KIAA1549L: variants seen among roughly 807,000 people sequenced by gnomAD.
KIAA1549L encodes UPF0606 protein KIAA1549L.
Under a neutral mutation model 160.7 loss-of-function variants are expected in KIAA1549L, and 88 were observed. That is an observed-to-expected ratio of 0.55 (90% CI 0.46 to 0.65). The LOEUF is 0.65. KIAA1549L is among the 30% of genes least tolerant of loss of function. KIAA1549L has a pLI of 0.00. For missense variants in KIAA1549L, 2,258 were observed against 2,437.5 expected (o/e 0.93, Z 1.55); for synonymous variants, 950 against 976.7 (o/e 0.97, Z 0.51).
intron 1 of KIAA1549L, among the ~76,000 whole-genome samples, chr11:33,417,120 T>G (rs1850904595): frequency 6.6e-6 from 1 of 152,238 alleles, no homozygotes; most frequent in Admixed American, 6.5e-5. Flanking sequence ...ACTGAGAAAT[T>G]AAATTTTAAA....
intron 1 of KIAA1549L, among the ~76,000 whole-genome samples, chr11:33,520,756 C>G (rs1414364175): frequency 4.9e-5 from 7 of 142,450 alleles, no homozygotes; most frequent in African/African-American, 1.6e-4. Context: ...CTCTCTCCCC[C>G]TCTCTCGTAA....
At chr11:33,569,751 A>G (rs1855180592) in intron 9 of KIAA1549L, among the ~76,000 whole-genome samples, 1 of 152,198 alleles carries the variant, frequency 6.6e-6, no homozygotes, top group South Asian at 2.1e-4. Context: ...ACCACGAGGT[A>G]AAGCGGTGGT....
intron 1 of KIAA1549L, among the ~76,000 whole-genome samples, chr11:33,447,646 C>CACAA (rs1554978522): frequency 6.6e-6 from 1 of 151,282 alleles, no homozygotes; most frequent in South Asian, 2.1e-4. Flanking sequence ...CACACACACA[C>CACAA]AAAATTTTAG....
At chr11:33,633,754 G>A (rs929262556) in intron 16 of KIAA1549L, among the ~76,000 whole-genome samples, 2 of 152,216 alleles carry the variant, frequency 1.3e-5, no homozygotes, top group African/African-American at 4.8e-5. Flanking sequence ...GAAGTTCACA[G>A]GTAGTACAGT....
At chr11:33,484,743 C>G (rs1055815390) in intron 1 of KIAA1549L, among the ~76,000 whole-genome samples, 1 of 152,228 alleles carries the variant, frequency 6.6e-6, no homozygotes, top group Non-Finnish European at 1.5e-5. Context: ...TTCTCCACTG[C>G]ATCAGTGTTG....
chr11:33,472,768 G>A (rs1435809382), intron 1 of KIAA1549L, among the ~76,000 whole-genome samples: 1 of 152,162 alleles, frequency 6.6e-6, no homozygotes, highest in Non-Finnish European at 1.5e-5. Context: ...ACCACAGTCC[G>A]TATTATATCC....
rs1852723550 is a variant in KIAA1549L at position 33,673,739 on chromosome 11, C to T, written c.*5585C>T. ...GAATTAATTTATACAGTCACATGTT[C>T]CATGACACCATGTTTTGCCAAGGAA... On this transcript the variant is annotated 3_prime_UTR_variant, in exon 21 of 21. Coordinates refer to ENST00000658780, the MANE Select transcript of KIAA1549L (RefSeq NM_012194.3). 6.6e-6 allele frequency: 1 copy of T among 152,172 alleles called. No homozygotes were observed. Among genetic ancestry groups the T allele is most frequent in the African/African-American group, 2.4e-5 (1 of 41,434 alleles). 9.4% of individuals were successfully genotyped at this position (152,172 alleles called of 1,614,324 possible). A position where few individuals can be genotyped will look rare whatever the true frequency, so the allele number is the denominator to read the frequency against.
chr11:33,504,787 G>A (rs1225981271), intron 1 of KIAA1549L, among the ~76,000 whole-genome samples: 1 of 152,060 alleles, frequency 6.6e-6, no homozygotes, highest in Non-Finnish European at 1.5e-5. Flanking sequence ...CTTTCTTTTA[G>A]ACAGGGTCTT....
intron 1 of KIAA1549L, among the ~76,000 whole-genome samples, chr11:33,536,267 G>A (rs1198870959): frequency 1.3e-5 from 2 of 152,244 alleles, no homozygotes; most frequent in Non-Finnish European, 2.9e-5. Context: ...ACAGGGCACA[G>A]TGCGGATGGC....
intron 11 of KIAA1549L, 135 bp from the exon 12 acceptor site, chr11:33,591,102 A>G (rs1850039055): frequency 1.5e-6 from 1 of 674,810 alleles, no homozygotes; most frequent in Non-Finnish European, 2.6e-6. Context: ...AATGATGGGG[A>G]TTTGAGTTAA....
chr11:33,659,397 C>G (rs1852185383), intron 19 of KIAA1549L, among the ~76,000 whole-genome samples: 1 of 152,154 alleles, frequency 6.6e-6, no homozygotes, highest in Non-Finnish European at 1.5e-5. Flanking sequence ...AAAAATTTCT[C>G]CAGGTTGCTA....
At chr11:33,648,475 A>G (rs1048634007) in intron 17 of KIAA1549L, among the ~76,000 whole-genome samples, 7 of 150,546 alleles carry the variant, frequency 4.6e-5, no homozygotes, top group Admixed American at 1.3e-4. Flanking sequence ...GTGGAAATCC[A>G]TAGAAAAGGT....
chr11:33,382,228 A>G (rs1475655412), intron 1 of KIAA1549L, among the ~76,000 whole-genome samples: 1 of 152,114 alleles, frequency 6.6e-6, no homozygotes, highest in Non-Finnish European at 1.5e-5. Flanking sequence ...GAAGAAAACA[A>G]TGAGGCAGTA....
chr11:33,612,343 T>C (rs1469192089), intron 15 of KIAA1549L, among the ~76,000 whole-genome samples: 1 of 152,254 alleles, frequency 6.6e-6, no homozygotes, highest in Non-Finnish European at 1.5e-5. Context: ...CTGCTTTCAG[T>C]GACCAAGCCA....
intron 1 of KIAA1549L, among the ~76,000 whole-genome samples, chr11:33,381,790 T>C (rs1850078690): frequency 6.6e-6 from 1 of 151,882 alleles, no homozygotes; most frequent in Admixed American, 6.6e-5. Flanking sequence ...GTAGCAGAAG[T>C]GGTTAGATTT....
At position 33,648,810 on chromosome 11, in the gene KIAA1549L, AG is replaced by A. The variant is rs534078178; in HGVS notation, c.5760+2778del. On this transcript the variant is annotated intron_variant, in intron 17 of 20. Coordinates refer to ENST00000658780, the MANE Select transcript of KIAA1549L (RefSeq NM_012194.3). ...GCCTTCCTGTTGTTGGGAGACAAGAAGGGGATTTCAAAAAAGACAACAGGGC... is the reference window on the plus strand; with the variant it reads ...GCCTTCCTGTTGTTGGGAGACAAGAAGGGATTTCAAAAAAGACAACAGGGC... Among the ~76,000 whole-genome samples the A allele has an allele frequency of 5.7e-4, 87 of 152,240 alleles. 1 individual carries two copies. Among genetic ancestry groups the A allele is most frequent in the African/African-American group, 2.1e-3 (87 of 41,546 alleles).
intron 12 of KIAA1549L, among the ~76,000 whole-genome samples, chr11:33,597,898 G>A (rs1452042408): frequency 6.6e-6 from 1 of 152,174 alleles, no homozygotes; most frequent in Non-Finnish European, 1.5e-5. Context: ...TCACTTCCAT[G>A]AGCTTCATGT....
intron 15 of KIAA1549L, among the ~76,000 whole-genome samples, chr11:33,616,479 G>A (rs560721853): frequency 6.6e-6 from 1 of 152,268 alleles, no homozygotes; most frequent in South Asian, 2.1e-4. Context: ...ACCCCTGGAG[G>A]AAAGGGAGCC....
chr11:33,437,512 AC>A (rs1413287339), intron 1 of KIAA1549L, among the ~76,000 whole-genome samples: 4 of 152,190 alleles, frequency 2.6e-5, no homozygotes, highest in Non-Finnish European at 5.9e-5. Flanking sequence ...CACTTTTGAG[AC>A]ACATTGTGTT....
Sources: gnomAD v4.1 joint callset for allele counts (sites outside exome capture counted in the v4.1 genomes callset) on GRCh38, gnomAD v4.1.1 for gene constraint, MANE v1.5 for transcripts, NCBI Gene and HGNC (gene_info 2026-07-23, HGNC 2026-07-21) for gene names.